RNF182: variants seen among roughly 807,000 people sequenced by gnomAD.
The protein encoded by RNF182 is E3 ubiquitin-protein ligase RNF182.
RNF182 carries 15 observed loss-of-function variants against 14.4 expected under a neutral mutation model. That is an observed-to-expected ratio of 1.04 (90% CI 0.70 to 1.60). RNF182 has a LOEUF of 1.60. Ranked by LOEUF, RNF182 falls within the 40% of genes most tolerant of loss-of-function variation. The pLI, the probability that RNF182 is intolerant of heterozygous loss-of-function variation, is 0.00. For missense variants in RNF182, 268 were observed against 294.8 expected (o/e 0.91, Z 0.67); for synonymous variants, 128 against 122.9 (o/e 1.04, Z -0.27).
chr6:13,979,894 G>A lies in RNF182; in HGVS notation c.*2031G>A, dbSNP rs1477006516. The A allele has an allele frequency of 1.2e-5, 2 of 166,880 alleles. No homozygotes were observed. The highest frequency in any genetic ancestry group is 6.6e-5 in the Admixed American group (1 of 15,264). 10.3% of individuals were successfully genotyped at this position (166,880 alleles called of 1,614,324 possible). On this transcript the variant is annotated 3_prime_UTR_variant, in exon 3 of 3. Coordinates refer to ENST00000488300, the MANE Select transcript of RNF182 (RefSeq NM_152737.4). ...AATTTGGCTTTAGAGAGCAATCTTTGTATGACACCAGAAAACTCTTCATGC... is the reference window on the plus strand; with the variant it reads ...AATTTGGCTTTAGAGAGCAATCTTTATATGACACCAGAAAACTCTTCATGC...
intron 1 of RNF182, among the ~76,000 whole-genome samples, chr6:13,966,112 G>T (rs993011478): frequency 1.3e-5 from 2 of 152,162 alleles, no homozygotes; most frequent in African/African-American, 4.8e-5. Flanking sequence ...AGGACTACTG[G>T]GTTGGTTTCA....
intron 1 of RNF182, among the ~76,000 whole-genome samples, chr6:13,973,162 A>G (rs1760237284): frequency 6.6e-6 from 1 of 152,180 alleles, no homozygotes; most frequent in South Asian, 2.1e-4. Flanking sequence ...TGGGGCCTGT[A>G]GCCCCTTTGT....
Position 13,977,872 on chromosome 6 carries a change from C to T in RNF182, c.*9C>T. ...TGGCACCTCCTTCTTAACTGATATGCAAAATAAGAAATTGGACACACATTG... is the reference window on the plus strand; with the variant it reads ...TGGCACCTCCTTCTTAACTGATATGTAAAATAAGAAATTGGACACACATTG... On this transcript the variant is annotated 3_prime_UTR_variant, in exon 3 of 3. Transcript: ENST00000488300. 6.3e-7 allele frequency: 1 copy of T among 1,595,806 alleles called. No homozygotes were observed. Among genetic ancestry groups the T allele is most frequent in the Non-Finnish European group, 8.5e-7 (1 of 1,170,300 alleles).
intron 1 of RNF182, among the ~76,000 whole-genome samples, chr6:13,963,415 G>C (rs1174044770): frequency 1.3e-5 from 2 of 152,190 alleles, no homozygotes; most frequent in Non-Finnish European, 2.9e-5. Flanking sequence ...CTCAAAACTA[G>C]TGGCTGGAAA....
chr6:13,929,225 G>T (rs1758906926), intron 1 of RNF182, among the ~76,000 whole-genome samples: 1 of 152,120 alleles, frequency 6.6e-6, no homozygotes, highest in African/African-American at 2.4e-5. Flanking sequence ...AATCAAGATG[G>T]CAATGGAACT....
intron 1 of RNF182, chr6:13,949,478 G>A: frequency 1.7e-6 from 1 of 599,630 alleles, no homozygotes; most frequent in Non-Finnish European, 3.0e-6. Flanking sequence ...GAGAAAGGCT[G>A]GTTATAAGAA....
intron 1 of RNF182, among the ~76,000 whole-genome samples, chr6:13,938,440 G>C: frequency 6.6e-6 from 1 of 152,030 alleles, no homozygotes; most frequent in Non-Finnish European, 1.5e-5. Context: ...TTTTCAATGA[G>C]AAGTGTTTAA....
Position 13,960,656 on chromosome 6 carries a change from AGTGTGTGTGTGT to A in RNF182, c.-366-13528_-366-13517del, listed in dbSNP as rs745687828. ...ACTTTTTTGATGGAGGGAGAGAGAGAGTGTGTGTGTGTGTGTGTGTGTGTGTGTGTGTGTGTG... is the reference window on the plus strand; with the variant it reads ...ACTTTTTTGATGGAGGGAGAGAGAGAGTGTGTGTGTGTGTGTGTGTGTGTG... On this transcript the variant is annotated intron_variant, in intron 1 of 2. Transcript: ENST00000488300. Among the ~76,000 whole-genome samples the A allele has an allele frequency of 7.8e-4, 104 of 133,214 alleles. 1 individual carries two copies. Among genetic ancestry groups the A allele is most frequent in the African/African-American group, 2.7e-3 (98 of 36,852 alleles). 87.4% of individuals were successfully genotyped at this position (133,214 alleles called of 152,430 possible).
At chr6:13,959,080 G>A (rs1231493353) in intron 1 of RNF182, among the ~76,000 whole-genome samples, 1 of 152,206 alleles carries the variant, frequency 6.6e-6, no homozygotes, top group Non-Finnish European at 1.5e-5. Flanking sequence ...TTCATATGCA[G>A]ATGTCCAGTC....
At chr6:13,927,006 T>G (rs1758847010) in intron 1 of RNF182, among the ~76,000 whole-genome samples, 1 of 152,188 alleles carries the variant, frequency 6.6e-6, no homozygotes, top group Non-Finnish European at 1.5e-5. Flanking sequence ...ACCGGTGCTT[T>G]GCCTTTGCTG....
Position 13,977,953 on chromosome 6 carries a change from A to G in RNF182, c.*90A>G, listed in dbSNP as rs1222186222. 39 of 1,334,804 alleles carry G rather than the reference A, an allele frequency of 2.9e-5. No homozygotes were observed. Among genetic ancestry groups the G allele is most frequent in the South Asian group, 4.6e-5 (3 of 64,524 alleles). 82.7% of individuals were successfully genotyped at this position (1,334,804 alleles called of 1,614,324 possible). ...TAATTTATTTTCTTTTATGTTCTTT[A>G]TGATTAGTATCCATGACATTAACAA... On this transcript the variant is annotated 3_prime_UTR_variant, in exon 3 of 3. Coordinates refer to ENST00000488300, the MANE Select transcript of RNF182 (RefSeq NM_152737.4).
At chr6:13,960,656 A>ATAGT (rs1759848456) in intron 1 of RNF182, among the ~76,000 whole-genome samples, 1 of 133,112 alleles carries the variant, frequency 7.5e-6, no homozygotes, top group Non-Finnish European at 1.6e-5. Context: ...GGAGAGAGAG[A>ATAGT]GTGTGTGTGT....
At chr6:13,924,572 G>GGT (rs1758761479), upstream of RNF182, 1 of 152,490 alleles carries the variant, frequency 6.6e-6, no homozygotes, top group Non-Finnish European at 1.5e-5. Flanking sequence ...ACAGGAGAAA[G>GGT]GTGTGGTGGT....
At chr6:13,941,390 T>C (rs907739243) in intron 1 of RNF182, among the ~76,000 whole-genome samples, 26 of 152,140 alleles carry the variant, frequency 1.7e-4, no homozygotes, top group African/African-American at 2.4e-4. Context: ...GGTTAGTGTT[T>C]GCATGGTATA....
At position 13,977,078 on chromosome 6, in the gene RNF182, C is replaced by T. The variant is rs1385677612; in HGVS notation, c.-42C>T. 6.4e-7 allele frequency: 1 copy of T among 1,567,196 alleles called. No individual in the cohort carries two copies. Among genetic ancestry groups the T allele is most frequent in the East Asian group, 2.3e-5 (1 of 44,434 alleles). On this transcript the variant is annotated 5_prime_UTR_variant, in exon 3 of 3. Coordinates refer to ENST00000488300, the MANE Select transcript of RNF182 (RefSeq NM_152737.4). The stretch of plus-strand genomic sequence containing the variant: ...GGGCACCTTAATCAAAGCCATTCTT[C>T]AACAAGACCCACCTGGCATAAGATT...
chr6:13,958,015 T>C, intron 1 of RNF182, among the ~76,000 whole-genome samples: 1 of 152,214 alleles, frequency 6.6e-6, no homozygotes, highest in East Asian at 1.9e-4. Flanking sequence ...TTTCAACATG[T>C]ATTGAGAGCT....
intron 1 of RNF182, among the ~76,000 whole-genome samples, chr6:13,925,900 C>G (rs561136410): frequency 6.6e-6 from 1 of 152,136 alleles, no homozygotes; most frequent in Non-Finnish European, 1.5e-5. Flanking sequence ...GTGGCCCCAA[C>G]CCTTGCAATC....
At chr6:13,946,848 G>T (rs915310091) in intron 1 of RNF182, among the ~76,000 whole-genome samples, 1 of 152,132 alleles carries the variant, frequency 6.6e-6, no homozygotes, top group Non-Finnish European at 1.5e-5. Flanking sequence ...AATTTTTAGG[G>T]TCTCTTGTAT....
At chr6:13,975,017 G>T (rs1760288608) in intron 2 of RNF182, among the ~76,000 whole-genome samples, 1 of 152,184 alleles carries the variant, frequency 6.6e-6, no homozygotes, top group South Asian at 2.1e-4. Flanking sequence ...TTCCATTTGG[G>T]TGGGCTGAAG....
Sources: allele counts gnomAD v4.1 joint callset (sites outside exome capture counted in the v4.1 genomes callset), GRCh38; gene constraint gnomAD v4.1.1; transcripts MANE v1.5; gene names NCBI Gene and HGNC (gene_info 2026-07-23, HGNC 2026-07-21).